Variants in DAPK1 observed in about 807,000 individuals in gnomAD.
DAPK1 encodes death-associated protein kinase 1.
DAPK1 carries 56 observed loss-of-function variants against 144.9 expected under a neutral mutation model. The observed-to-expected ratio is 0.39, with a 90% CI of 0.31 to 0.48. The LOEUF is 0.48. Among genes scored for constraint, DAPK1 ranks in the 20% least tolerant of loss-of-function variants. The probability of loss-of-function intolerance (pLI) is 0.95; values close to 1 mark genes in which losing one functional copy is unlikely to be tolerated. For synonymous variants in DAPK1, 690 were observed against 749.0 expected (o/e 0.92, Z 1.29); for missense variants, 1,454 against 1,875.4 (o/e 0.78, Z 4.15).
At chr9:87,694,065 G>C (rs2117992956) in intron 21 of DAPK1, among the ~76,000 whole-genome samples, 1 of 152,298 alleles carries the variant, frequency 6.6e-6, no homozygotes, top group Non-Finnish European at 1.5e-5. Flanking sequence ...GCTTGCTCAA[G>C]TGCTGGTAGT....
At chr9:87,645,141 A>G (rs1388081271) in intron 11 of DAPK1, among the ~76,000 whole-genome samples, 1 of 152,174 alleles carries the variant, frequency 6.6e-6, no homozygotes, top group Non-Finnish European at 1.5e-5. Context: ...TTCTGTGTTT[A>G]TAAGTTCAGA....
intron 11 of DAPK1, 92 bp from the exon 12 acceptor site, chr9:87,645,803 T>G: frequency 6.7e-7 from 1 of 1,503,630 alleles, no homozygotes; most frequent in East Asian, 2.3e-5. Context: ...TGAATGCCCC[T>G]GTTAACAAGT....
intron 18 of DAPK1, chr9:87,668,387 G>A: frequency 1.8e-6 from 1 of 562,202 alleles, no homozygotes; most frequent in East Asian, 3.0e-5. Context: ...CATGTGCTTT[G>A]TTCCTGCGTC....
Position 87,681,497 on chromosome 9 carries a change from G to A in DAPK1, c.2095G>A (p.Gly699Arg), listed in dbSNP as rs1243357006. 3.7e-6 allele frequency: 6 copies of A among 1,612,626 alleles called. No individual in the cohort carries two copies. Among genetic ancestry groups the A allele is most frequent in the South Asian group, 1.1e-5 (1 of 91,044 alleles). Residue 699 changes from glycine (G) to arginine (R), a missense_variant, in exon 20 of 26, where the codon GGG (glycine) becomes AGG (arginine). This residue lies in a region of DAPK1 where 1,025 missense variants were observed against 1,237.9 expected (regional missense o/e 0.83). Transcript: ENST00000408954. ...KLKLFGHSGS[G>R]KTTLVESLKC... ...CAAGCTGTTTGGCCACTCGGGATCC[G>A]GGAAAACCACCCTTGTAGAATCTCT...
intron 3 of DAPK1, among the ~76,000 whole-genome samples, chr9:87,606,425 A>G (rs1828715472): frequency 6.6e-6 from 1 of 152,124 alleles, no homozygotes. Flanking sequence ...GCTGGTTGGT[A>G]GATGACATTA....
intron 10 of DAPK1, among the ~76,000 whole-genome samples, chr9:87,642,579 G>A (rs1221831104): frequency 6.6e-6 from 1 of 152,114 alleles, no homozygotes; most frequent in African/African-American, 2.4e-5. Flanking sequence ...AGGCATTGCA[G>A]ACCTCCTGGA....
upstream of DAPK1, chr9:87,497,697 C>T (rs930588676): frequency 2.8e-5 from 6 of 215,642 alleles, no homozygotes; most frequent in East Asian, 1.0e-4. Context: ...CGCCAGCGAG[C>T]CCGGAGCGCG....
chr9:87,563,825 C>G (rs1365249705), intron 2 of DAPK1, among the ~76,000 whole-genome samples: 1 of 152,180 alleles, frequency 6.6e-6, no homozygotes, highest in Non-Finnish European at 1.5e-5. Flanking sequence ...TGTTGCAACC[C>G]ACAGAGTTGT....
At chr9:87,649,217 G>A (rs958240202) in intron 15 of DAPK1, among the ~76,000 whole-genome samples, 1 of 152,222 alleles carries the variant, frequency 6.6e-6, no homozygotes, top group Non-Finnish European at 1.5e-5. Flanking sequence ...AAGCTCAGAA[G>A]TGGTAGAGCT....
At chr9:87,669,632 A>C (rs2119281115) in intron 19 of DAPK1, among the ~76,000 whole-genome samples, 1 of 152,250 alleles carries the variant, frequency 6.6e-6, no homozygotes, top group South Asian at 2.1e-4. Flanking sequence ...AATGTCCAAA[A>C]TATGCTCCAG....
chr9:87,668,450 AAC>A (rs1831133793), intron 18 of DAPK1, 145 bp from the exon 19 acceptor site: 4 of 681,140 alleles, frequency 5.9e-6, no homozygotes, highest in Non-Finnish European at 1.1e-5. Context: ...CAGCCAGAGA[AAC>A]ACACCGAGAC....
chr9:87,663,748 A>G (rs1455836137), intron 18 of DAPK1, among the ~76,000 whole-genome samples: 2 of 151,686 alleles, frequency 1.3e-5, no homozygotes, highest in Non-Finnish European at 2.9e-5. Context: ...CTCACACAGC[A>G]CCTTCAGAGG....
chr9:87,541,289 T>C (rs932878290), intron 2 of DAPK1, among the ~76,000 whole-genome samples: 1 of 152,150 alleles, frequency 6.6e-6, no homozygotes, highest in African/African-American at 2.4e-5. Context: ...GGCTCACACC[T>C]GTAACACCAG....
intron 2 of DAPK1, among the ~76,000 whole-genome samples, chr9:87,503,356 C>T (rs1358218665): frequency 6.6e-6 from 1 of 152,062 alleles, no homozygotes; most frequent in East Asian, 1.9e-4. Flanking sequence ...CCTTGAACTC[C>T]TGGGCTCAAG....
rs762645135 is a variant in DAPK1 at position 87,497,941 on chromosome 9, C to G, written c.-275C>G. The G allele has an allele frequency of 5.0e-6, 2 of 396,456 alleles. No homozygotes were observed. The highest frequency in any genetic ancestry group is 4.4e-5 in the Admixed American group (1 of 22,664). 24.6% of individuals were successfully genotyped at this position (396,456 alleles called of 1,614,324 possible). A position where few individuals can be genotyped will look rare whatever the true frequency, so the allele number is the denominator to read the frequency against. ...TGTTCCCTCCGCGGAGGGGACTCGGCAACTCGCAGCGGCAGGGTCTGGGGC... is the reference window on the plus strand; with the variant it reads ...TGTTCCCTCCGCGGAGGGGACTCGGGAACTCGCAGCGGCAGGGTCTGGGGC... On this transcript the variant is annotated 5_prime_UTR_variant, in exon 1 of 26. Transcript: ENST00000408954.
intron 19 of DAPK1, among the ~76,000 whole-genome samples, chr9:87,675,245 T>C (rs55984400): frequency 2.0e-5 from 3 of 151,862 alleles, no homozygotes; most frequent in Middle Eastern, 3.4e-3. Flanking sequence ...ATGCAGGGAA[T>C]TGAAACAGGA....
rs570556950 is a variant in DAPK1, at chr9:87,592,051, A to T, written c.63-12903A>T. Among the ~76,000 whole-genome samples the T allele has an allele frequency of 7.2e-5, 11 of 152,272 alleles. 1 individual carries two copies. In the South Asian group the frequency reaches 2.3e-3, roughly 32 times the overall value. Reference sequence around the variant, plus strand: ...ATTTCCTTTAGGCCCCATTATGCTGAGCATGGTGGATTCTTTAAACAGGCC... The same window carrying T: ...ATTTCCTTTAGGCCCCATTATGCTGTGCATGGTGGATTCTTTAAACAGGCC... On this transcript the variant is annotated intron_variant, in intron 2 of 25. Transcript: ENST00000408954.
intron 2 of DAPK1, among the ~76,000 whole-genome samples, chr9:87,551,186 C>T (rs1486592832): frequency 1.3e-5 from 2 of 151,750 alleles, no homozygotes; most frequent in Non-Finnish European, 2.9e-5. Flanking sequence ...CTCGCTCTGT[C>T]GCCCAGGCTG....
Position 87,643,325 on chromosome 9 carries a change from G to A in DAPK1, c.919-51G>A, listed in dbSNP as rs7854946. ...AAGCTGTCTCTCCTCCTCTCACCCTGCCTTTTTCCTCCCCGCCCTCCCTTT... is the reference window on the plus strand; with the variant it reads ...AAGCTGTCTCTCCTCCTCTCACCCTACCTTTTTCCTCCCCGCCCTCCCTTT... On this transcript the variant is annotated intron_variant, in intron 10 of 25. Transcript: ENST00000408954. 0.03 allele frequency: 33,892 copies of A among 1,129,448 alleles called. 5,772 individuals are homozygous for A. The African/African-American group carries it at 0.42, about 14-fold the overall frequency. 70.0% of individuals were successfully genotyped at this position (1,129,448 alleles called of 1,614,324 possible). A position where few individuals can be genotyped will look rare whatever the true frequency, so the allele number is the denominator to read the frequency against.
Sources: gnomAD v4.1 joint callset for allele counts (sites outside exome capture counted in the v4.1 genomes callset) on GRCh38, gnomAD v4.1.1 for gene constraint, gnomAD v4.1.1 regional missense constraint, MANE v1.5 for transcripts, NCBI Gene and HGNC (gene_info 2026-07-23, HGNC 2026-07-21) for gene names.